Variants in ZNF264 observed in about 807,000 individuals in gnomAD.
ZNF264 encodes the protein zinc finger protein 264.
In ZNF264, 11 loss-of-function variants were observed where a neutral mutation model predicts 11.2. That is an observed-to-expected ratio of 0.98 (90% CI 0.62 to 1.63). ZNF264 has a LOEUF of 1.63. Among genes scored for constraint, ZNF264 ranks in the 40% most tolerant of loss-of-function variants. The pLI, the probability that ZNF264 is intolerant of heterozygous loss-of-function variation, is 0.00. For missense variants in ZNF264, 752 were observed against 768.1 expected, an observed-to-expected ratio of 0.98 and a Z score of 0.25; for synonymous variants, 309 against 279.8, an observed-to-expected ratio of 1.10 and a Z score of -1.04.
chr19:57,203,153 G>C (rs2087265821), intron 2 of ZNF264, among the ~76,000 whole-genome samples: 1 of 152,200 alleles, frequency 6.6e-6, no homozygotes. Context: ...ATGGTAAACA[G>C]TTTAGAGCTG....
intron 1 of ZNF264, among the ~76,000 whole-genome samples, chr19:57,193,244 G>A (rs748610259): frequency 1.3e-5 from 2 of 152,318 alleles, no homozygotes; most frequent in Middle Eastern, 3.4e-3. Context: ...TTAGCATGAA[G>A]TCATTGACTG....
intron 1 of ZNF264, chr19:57,192,645 G>GC: frequency 1.1e-6 from 1 of 890,278 alleles, no homozygotes; most frequent in Non-Finnish European, 1.3e-6. Flanking sequence ...CTGGTCTGGA[G>GC]CCTGTCGTTC....
chr19:57,196,760 T>C (rs2087214497), intron 2 of ZNF264, among the ~76,000 whole-genome samples: 1 of 151,952 alleles, frequency 6.6e-6, no homozygotes, highest in South Asian at 2.1e-4. Context: ...TCACAGTTTT[T>C]GACCACTCAG....
At position 57,213,858 on chromosome 19, in the gene ZNF264, T is replaced by G. The variant is rs998898830; in HGVS notation, c.*877T>G. On this transcript the variant is annotated 3_prime_UTR_variant, in exon 4 of 4. Transcript: ENST00000263095. ...TGAGTGCAGGAGTAGGCCTCTTAAT[T>G]TATAATAGTTAAGCATTCCTTAAAG... The G allele has an allele frequency of 6.6e-6, 1 of 152,198 alleles. No homozygotes were observed. The highest frequency in any genetic ancestry group is 1.5e-5 in the Non-Finnish European group (1 of 68,046). 9.4% of individuals were successfully genotyped at this position (152,198 alleles called of 1,614,324 possible). A position where few individuals can be genotyped will look rare whatever the true frequency, so the allele number is the denominator to read the frequency against.
rs1410079301 is a variant in ZNF264 at position 57,213,069 on chromosome 19, A to C, written c.*88A>C. The C allele has an allele frequency of 3.7e-6, 5 of 1,336,878 alleles. No homozygotes were observed. Among genetic ancestry groups the C allele is most frequent in the African/African-American group, 1.5e-5 (1 of 67,980 alleles). The allele number at this position is 1,336,878 out of a possible 1,614,324, so 82.8% of individuals were successfully genotyped here. On this transcript the variant is annotated 3_prime_UTR_variant, in exon 4 of 4. Coordinates refer to ENST00000263095, the MANE Select transcript of ZNF264 (RefSeq NM_003417.5). ...TCTAGAGCCTTATTCTCCATCTGAT[A>C]ATTTATCCTGGAGAGAGACCCAGTG...
chr19:57,191,793 AGGC>A lies in ZNF264; in HGVS notation c.-114_-112del. ...GTCTGGAACGCCGTTGCCACCGAGGAGGCGGCGGCCCCGAGCGCGCCTGGAAGC... is the reference window on the plus strand; with the variant it reads ...GTCTGGAACGCCGTTGCCACCGAGGAGGCGGCCCCGAGCGCGCCTGGAAGC... On this transcript the variant is annotated 5_prime_UTR_variant, in exon 1 of 4. Transcript: ENST00000263095. 1.4e-6 allele frequency: 1 copy of A among 698,930 alleles called. No individual in the cohort carries two copies. The allele number at this position is 698,930 out of a possible 1,614,324, so 43.3% of individuals were successfully genotyped here.
At position 57,213,790 on chromosome 19, in the gene ZNF264, T is replaced by A. The variant is rs1252265937; in HGVS notation, c.*809T>A. The A allele has an allele frequency of 6.6e-6, 1 of 152,242 alleles. No individual in the cohort carries two copies. Among genetic ancestry groups the A allele is most frequent in the Non-Finnish European group, 1.5e-5 (1 of 68,040 alleles). The allele number at this position is 152,242 out of a possible 1,614,324, so 9.4% of individuals were successfully genotyped here. On this transcript the variant is annotated 3_prime_UTR_variant, in exon 4 of 4. Coordinates refer to ENST00000263095, the MANE Select transcript of ZNF264 (RefSeq NM_003417.5). ...ATTGAGTTAAGTCTGTGGATTAATC[T>A]GTTAAGAATTGGTATCTTTACTATG... is the stretch of plus-strand genomic sequence containing the variant.
In ZNF264 at chr19:57,191,812, G is replaced by T. The variant is rs1032367370; in HGVS notation, c.-102G>T. ...CCGAGGAGGCGGCGGCCCCGAGCGC[G>T]CCTGGAAGCCCCGGGCAACCGGCCA... On this transcript the variant is annotated 5_prime_UTR_variant, in exon 1 of 4. Coordinates refer to ENST00000263095, the MANE Select transcript of ZNF264 (RefSeq NM_003417.5). 3 of 970,794 alleles carry T rather than the reference G, an allele frequency of 3.1e-6. No individual in the cohort carries two copies. Among genetic ancestry groups the T allele is most frequent in the Non-Finnish European group, 2.7e-6 (2 of 745,264 alleles). The allele number at this position is 970,794 out of a possible 1,614,324, so 60.1% of individuals were successfully genotyped here.
chr19:57,211,292 A>G, intron 3 of ZNF264, 62 bp from the exon 4 acceptor site: 1 of 1,415,254 alleles, frequency 7.1e-7, no homozygotes, highest in Non-Finnish European at 9.5e-7. Flanking sequence ...AGAAATGGTA[A>G]TATTCTTTTT....
At position 57,198,764 on chromosome 19, in the gene ZNF264, G is replaced by C. The variant is rs78853620; in HGVS notation, c.160+4763G>C. Among the ~76,000 whole-genome samples, 523 of 152,000 alleles carry C rather than the reference G, an allele frequency of 3.4e-3. 15 individuals carry two copies. The highest frequency in any genetic ancestry group is 0.012 in the African/African-American group (504 of 41,290). On this transcript the variant is annotated intron_variant, in intron 2 of 3. Transcript: ENST00000263095. The stretch of plus-strand genomic sequence containing the variant: ...GTCTGATCATTTCCCTTTCCCCAGT[G>C]CACAGTTACCCTGGTAAAAAGCCAG...
At chr19:57,210,842 T>C (rs1429183771) in intron 3 of ZNF264, among the ~76,000 whole-genome samples, 1 of 152,176 alleles carries the variant, frequency 6.6e-6, no homozygotes, top group Non-Finnish European at 1.5e-5. Context: ...AACTGTCAGA[T>C]AGGGCCATTG....
In ZNF264 at chr19:57,216,913, A is replaced by C. The variant is rs1015623174; in HGVS notation, c.*3932A>C. 3 of 149,810 alleles carry C rather than the reference A, an allele frequency of 2.0e-5. No individual in the cohort carries two copies. Among genetic ancestry groups the C allele is most frequent in the African/African-American group, 7.4e-5 (3 of 40,566 alleles). The allele number at this position is 149,810 out of a possible 1,614,324, so 9.3% of individuals were successfully genotyped here. ...TGATACATATGTAGTGTTTTTTAGT[A>C]TAGATCCTCCTTGACTTATGATGGG... On this transcript the variant is annotated 3_prime_UTR_variant, in exon 4 of 4. Transcript: ENST00000263095.
chr19:57,202,847 C>T (rs756320842), intron 2 of ZNF264, among the ~76,000 whole-genome samples: 5 of 150,564 alleles, frequency 3.3e-5, no homozygotes, highest in Non-Finnish European at 7.4e-5. Flanking sequence ...ACTCAAAGCC[C>T]ATTAGTCAGA....
rs112419161 is a variant in ZNF264, at chr19:57,200,649, G to C, written c.161-4748G>C. Among the ~76,000 whole-genome samples the C allele has an allele frequency of 4.8e-3, 732 of 151,236 alleles. 23 individuals carry two copies. Among genetic ancestry groups the C allele is most frequent in the African/African-American group, 0.017 (700 of 40,910 alleles). ...TTTTCTTTTCTTTTTCTGTCTTGCT[G>C]TCTTGCCCAGGTTGGAATACAGTGG... is the stretch of plus-strand genomic sequence containing the variant. On this transcript the variant is annotated intron_variant, in intron 2 of 3. Transcript: ENST00000263095.
intron 1 of ZNF264, chr19:57,193,446 A>G: frequency 1.0e-6 from 1 of 971,156 alleles, no homozygotes; most frequent in Non-Finnish European, 1.2e-6. Context: ...GTCAGTTTCA[A>G]GTGTTTGGAG....
Position 57,215,738 on chromosome 19 carries a change from T to G in ZNF264, c.*2757T>G, listed in dbSNP as rs765302762. On this transcript the variant is annotated 3_prime_UTR_variant, in exon 4 of 4. Transcript: ENST00000263095. Reference sequence around the variant, plus strand: ...TTTCATTACATTTTAATTCTAATAGTTTTTATTTTTTGAGACATTCTCTCT... The same window carrying G: ...TTTCATTACATTTTAATTCTAATAGGTTTTATTTTTTGAGACATTCTCTCT... 2.6e-5 allele frequency: 4 copies of G among 152,206 alleles called. No homozygotes were observed. The highest frequency in any genetic ancestry group is 4.4e-5 in the Non-Finnish European group (3 of 68,036). The allele number at this position is 152,206 out of a possible 1,614,324, so 9.4% of individuals were successfully genotyped here. A position where few individuals can be genotyped will look rare whatever the true frequency, so the allele number is the denominator to read the frequency against.
chr19:57,192,379 AAC>A, intron 1 of ZNF264: 1 of 985,354 alleles, frequency 1.0e-6, no homozygotes. Context: ...CGTGGAGGGC[AAC>A]AGTGTGTGGT....
rs528538020 is a variant in ZNF264 at position 57,197,222 on chromosome 19, C to T, written c.160+3221C>T. Among the ~76,000 whole-genome samples the T allele has an allele frequency of 1.1e-4, 17 of 151,866 alleles. No homozygotes were observed. In the South Asian group the frequency reaches 3.1e-3, roughly 28 times the overall value. ...TCATGTAACTTGTGCCTTCAGGATCCGCTTGAGCCCAATCACATATATACC... is the reference window on the plus strand; with the variant it reads ...TCATGTAACTTGTGCCTTCAGGATCTGCTTGAGCCCAATCACATATATACC... On this transcript the variant is annotated intron_variant, in intron 2 of 3. Coordinates refer to ENST00000263095, the MANE Select transcript of ZNF264 (RefSeq NM_003417.5).
rs1388053771 is a variant in ZNF264 at position 57,215,452 on chromosome 19, A to G, written c.*2471A>G. On this transcript the variant is annotated 3_prime_UTR_variant, in exon 4 of 4. Coordinates refer to ENST00000263095, the MANE Select transcript of ZNF264 (RefSeq NM_003417.5). ...ATCAGTTTTATTGCGCATCATGCTG[A>G]AAGATGTAATTTTTGCTTCATCTCT... 1 of 152,180 alleles carries G rather than the reference A, an allele frequency of 6.6e-6. No individual in the cohort carries two copies. The highest frequency in any genetic ancestry group is 1.5e-5 in the Non-Finnish European group (1 of 68,032). 9.4% of individuals were successfully genotyped at this position (152,180 alleles called of 1,614,324 possible). A position where few individuals can be genotyped will look rare whatever the true frequency, so the allele number is the denominator to read the frequency against.
Sources: allele counts gnomAD v4.1 joint callset (sites outside exome capture counted in the v4.1 genomes callset), GRCh38; gene constraint gnomAD v4.1.1; transcripts MANE v1.5; gene names NCBI Gene and HGNC (gene_info 2026-07-23, HGNC 2026-07-21).